Variants in GLI3 observed in about 807,000 individuals in gnomAD.
The protein encoded by GLI3 is GLI family zinc finger 3.
GLI3 carries 20 observed loss-of-function variants against 100.8 expected under a neutral mutation model. That is an observed-to-expected ratio of 0.20 (90% CI 0.14 to 0.29). The LOEUF is 0.29. Among genes scored for constraint, GLI3 ranks in the 10% least tolerant of loss-of-function variants. The pLI is 1.00. For missense variants in GLI3, 2,040 were observed against 2,128.5 expected (o/e 0.96, Z 0.82); for synonymous variants, 938 against 860.5 (o/e 1.09, Z -1.58).
chr7:42,066,694 C>T lies in GLI3; in HGVS notation c.473+10058G>A, dbSNP rs974100457. On this transcript the variant is annotated intron_variant, in intron 4 of 14. Coordinates refer to ENST00000395925, the MANE Select transcript of GLI3 (RefSeq NM_000168.6). ...CCACAACCGTGCAGCTATTCAATTG[C>T]GAGAATGGAGCCTAGCATGGCTTTC... 7.9e-5 allele frequency among the ~76,000 whole-genome samples: 12 copies of T among 152,170 alleles called. No homozygotes were observed. In the South Asian group the frequency reaches 1.0e-3, roughly 13 times the overall value.
At chr7:42,076,383 C>G (rs534618606) in intron 4 of GLI3, among the ~76,000 whole-genome samples, 13 of 152,206 alleles carry the variant, frequency 8.5e-5, no homozygotes, top group Non-Finnish European at 1.8e-4. Flanking sequence ...CAGAACAGGA[C>G]TTTCATGTTA....
chr7:41,998,385 A>G (rs1407000257), intron 10 of GLI3, among the ~76,000 whole-genome samples: 1 of 152,214 alleles, frequency 6.6e-6, no homozygotes, highest in Non-Finnish European at 1.5e-5. Context: ...ATTCAAAAGA[A>G]GCCCAAAATA....
intron 10 of GLI3, among the ~76,000 whole-genome samples, chr7:41,988,745 C>T (rs968035628): frequency 4.6e-5 from 7 of 152,176 alleles, no homozygotes; most frequent in African/African-American, 1.7e-4. Flanking sequence ...GTTATCGCAA[C>T]AGAAACAGGC....
chr7:42,244,998 G>A (rs914852722), intron 1 of GLI3, among the ~76,000 whole-genome samples: 3 of 152,168 alleles, frequency 2.0e-5, no homozygotes, highest in Middle Eastern at 3.2e-3. Context: ...AGCAGGAATG[G>A]GCAAGGAGAC....
At chr7:42,192,460 A>C (rs561710620) in intron 2 of GLI3, among the ~76,000 whole-genome samples, 4 of 152,190 alleles carry the variant, frequency 2.6e-5, no homozygotes, top group Non-Finnish European at 5.9e-5. Flanking sequence ...GGTATAGATA[A>C]AGACAAAAGA....
chr7:42,131,442 A>G (rs846381), intron 3 of GLI3, among the ~76,000 whole-genome samples: 36,546 of 152,218 alleles, frequency 0.24, 4,620 homozygotes, highest in Admixed American at 0.35. Context: ...TCGTAATGCT[A>G]GACACATCGC....
intron 2 of GLI3, among the ~76,000 whole-genome samples, chr7:42,167,997 G>A (rs1468832501): frequency 6.6e-6 from 1 of 152,054 alleles, no homozygotes; most frequent in Non-Finnish European, 1.5e-5. Context: ...AGTAAACCTA[G>A]GAAGGTTGCT....
chr7:42,112,872 AAAAT>A (rs1221700052), intron 3 of GLI3, among the ~76,000 whole-genome samples: 4 of 152,078 alleles, frequency 2.6e-5, no homozygotes, highest in South Asian at 4.2e-4. Context: ...CATTCAGTTA[AAAAT>A]AAATAAATAA....
At chr7:42,171,891 T>G (rs1392446981) in intron 2 of GLI3, among the ~76,000 whole-genome samples, 1 of 152,130 alleles carries the variant, frequency 6.6e-6, no homozygotes, top group African/African-American at 2.4e-5. Context: ...TTTAATGGTA[T>G]TTGGGGGCAG....
At chr7:42,232,449 C>G (rs1788712001) in intron 1 of GLI3, among the ~76,000 whole-genome samples, 1 of 152,180 alleles carries the variant, frequency 6.6e-6, no homozygotes, top group South Asian at 2.1e-4. Flanking sequence ...GGCAGCATGG[C>G]CTGAAGGCAG....
In GLI3 at chr7:41,964,822, C is replaced by T; in HGVS notation, c.4251G>A (p.Arg1417=). 3 of 1,613,998 alleles carry T rather than the reference C, an allele frequency of 1.9e-6. No homozygotes were observed. Among genetic ancestry groups the T allele is most frequent in the Admixed American group, 1.7e-5 (1 of 60,036 alleles). The part of the protein sequence containing the change: ...GQLSDTSQTC[R]VNGIKMEMKG... The stretch of plus-strand genomic sequence containing the variant: ...TCATCTCCATCTTGATACCATTCAC[C>T]CTGCAGGTCTGACTTGTGTCACTGA... Residue 1417 remains arginine (R), a synonymous_variant, in exon 15 of 15, where the codon AGG becomes AGA. Transcript: ENST00000395925.
chr7:42,116,280 A>G (rs1013108047), intron 3 of GLI3, among the ~76,000 whole-genome samples: 1 of 152,096 alleles, frequency 6.6e-6, no homozygotes, highest in African/African-American at 2.4e-5. Context: ...GCAGCACACG[A>G]GCTCATGTGA....
rs755227076 is a variant in GLI3 at position 41,966,450 on chromosome 7, G to A, written c.2623C>T (p.Arg875Cys). The change falls in exon 15 of 15, where the codon CGC becomes TGC. Residue 875 changes from arginine (R) to cysteine (C), a missense_variant. Transcript: ENST00000395925. This position sits in a 1 kb window ranked among gnomAD's most constrained non-coding sequence, Gnocchi z 5.8. ...SGISPCFSSR[R>C]SSEASQAEGR... ...TCGGCCTGTGACGCCTCGCTGGAGCGGCGGCTGGAGAAGCAGGGCGAGATC... is the reference window on the plus strand; with the variant it reads ...TCGGCCTGTGACGCCTCGCTGGAGCAGCGGCTGGAGAAGCAGGGCGAGATC... 31 of 1,612,066 alleles carry A rather than the reference G, an allele frequency of 1.9e-5. No homozygotes were observed. Among genetic ancestry groups the A allele is most frequent in the Middle Eastern group, 1.7e-4 (1 of 6,058 alleles).
intron 2 of GLI3, among the ~76,000 whole-genome samples, chr7:42,218,302 A>T (rs2128700795): frequency 6.6e-6 from 1 of 152,200 alleles, no homozygotes; most frequent in African/African-American, 2.4e-5. Context: ...CATTAAAAAA[A>T]AGTCAAGGAG....
At chr7:42,191,935 A>G (rs1026003843) in intron 2 of GLI3, among the ~76,000 whole-genome samples, 1 of 152,106 alleles carries the variant, frequency 6.6e-6, no homozygotes, top group African/African-American at 2.4e-5. Context: ...CAATTAAGCC[A>G]AAAGGTCATA....
At chr7:42,063,276 T>C (rs538113394) in intron 4 of GLI3, among the ~76,000 whole-genome samples, 1 of 152,330 alleles carries the variant, frequency 6.6e-6, no homozygotes, top group South Asian at 2.1e-4. Flanking sequence ...ATCAATTTTT[T>C]GACCAAATAC....
chr7:42,243,046 G>A (rs1001086383), intron 1 of GLI3, among the ~76,000 whole-genome samples: 2 of 152,142 alleles, frequency 1.3e-5, no homozygotes, highest in Non-Finnish European at 2.9e-5. Context: ...AGAGGGAGAG[G>A]TTAACATGAA....
intron 3 of GLI3, among the ~76,000 whole-genome samples, chr7:42,138,692 A>T (rs529676891): frequency 1.2e-4 from 18 of 152,204 alleles, no homozygotes; most frequent in Non-Finnish European, 2.1e-4. Flanking sequence ...CCAGAAGAAG[A>T]GCTGGCATTT....
At position 42,145,164 on chromosome 7, in the gene GLI3, T is replaced by C. The variant is rs1432813186; in HGVS notation, c.367+3062A>G. ...TTAAATCCATGTGAGCAGATAGATTTTATTATAAAGTATCTCAAAAAATAC... is the reference window on the plus strand; with the variant it reads ...TTAAATCCATGTGAGCAGATAGATTCTATTATAAAGTATCTCAAAAAATAC... On this transcript the variant is annotated intron_variant, in intron 3 of 14. Coordinates refer to ENST00000395925, the MANE Select transcript of GLI3 (RefSeq NM_000168.6). Among the ~76,000 whole-genome samples, 8 of 152,182 alleles carry C rather than the reference T, an allele frequency of 5.3e-5. No individual in the cohort carries two copies. In the South Asian group the frequency reaches 1.7e-3, roughly 31 times the overall value.
Sources: allele counts gnomAD v4.1 joint callset (sites outside exome capture counted in the v4.1 genomes callset), GRCh38; gene constraint gnomAD v4.1.1; non-coding constraint Gnocchi (gnomAD v3.1); transcripts MANE v1.5; gene names NCBI Gene and HGNC (gene_info 2026-07-23, HGNC 2026-07-21).